Variants in CADM2 observed in about 807,000 individuals in gnomAD.
CADM2 encodes the protein cell adhesion molecule 2, also known as immunoglobulin superfamily member 4D.
A neutral mutation model predicts 49.8 loss-of-function variants in CADM2; 12 were observed. That is an observed-to-expected ratio of 0.24 (90% CI 0.15 to 0.39). The LOEUF is 0.39. Ranked by LOEUF, CADM2 falls within the 10% of genes least tolerant of loss-of-function variation. The pLI, the probability that CADM2 is intolerant of heterozygous loss-of-function variation, is 1.00. For synonymous variants in CADM2, 214 were observed against 175.4 expected (o/e 1.22, Z -1.74); for missense variants, 378 against 492.3 (o/e 0.77, Z 2.20).
chr3:85,703,379 A>T (rs2066843351), intron 1 of CADM2, among the ~76,000 whole-genome samples: 1 of 152,254 alleles, frequency 6.6e-6, no homozygotes, highest in Middle Eastern at 3.4e-3. Flanking sequence ...GAACCATTGC[A>T]TAGAGATAAA....
intron 1 of CADM2, among the ~76,000 whole-genome samples, chr3:85,475,531 G>A (rs1289229464): frequency 6.6e-6 from 1 of 151,562 alleles, no homozygotes; most frequent in Non-Finnish European, 1.5e-5. Flanking sequence ...TTCATGACCC[G>A]TTTATTTGAT....
At chr3:85,169,213 C>A (rs1033061456) in intron 1 of CADM2, among the ~76,000 whole-genome samples, 3 of 152,022 alleles carry the variant, frequency 2.0e-5, no homozygotes, top group Non-Finnish European at 2.9e-5. Context: ...AGTCTAGTGT[C>A]GAACTCTTGA....
intron 1 of CADM2, among the ~76,000 whole-genome samples, chr3:85,040,363 T>G (rs565606883): frequency 6.6e-6 from 1 of 152,334 alleles, no homozygotes; most frequent in South Asian, 2.1e-4. Flanking sequence ...GCATGTTTGT[T>G]TATTTGTTTG....
At chr3:85,798,559 G>C (rs1333168369) in intron 2 of CADM2, among the ~76,000 whole-genome samples, 1 of 152,106 alleles carries the variant, frequency 6.6e-6, no homozygotes, top group Non-Finnish European at 1.5e-5. Context: ...TGTCACGTTT[G>C]TCAAAGATCA....
chr3:85,791,525 A>G (rs1186213918), intron 2 of CADM2, among the ~76,000 whole-genome samples: 1 of 143,256 alleles, frequency 7.0e-6, no homozygotes, highest in Non-Finnish European at 1.5e-5. Flanking sequence ...GGGGAGGGAG[A>G]GAGAGAGAGA....
At chr3:85,813,588 T>C (rs1312272961) in intron 3 of CADM2, among the ~76,000 whole-genome samples, 1 of 152,206 alleles carries the variant, frequency 6.6e-6, no homozygotes, top group Non-Finnish European at 1.5e-5. Flanking sequence ...ATTGTTTTTG[T>C]GTTTTACACA....
chr3:85,736,475 G>C (rs2068142757), intron 2 of CADM2, among the ~76,000 whole-genome samples: 1 of 152,120 alleles, frequency 6.6e-6, no homozygotes, highest in African/African-American at 2.4e-5. Flanking sequence ...GGGCAACAGA[G>C]GGAAGAACTG....
chr3:85,652,871 G>T (rs10049108), intron 1 of CADM2, among the ~76,000 whole-genome samples: 25,859 of 135,652 alleles, frequency 0.19, 2,842 homozygotes, highest in Non-Finnish European at 0.25. Context: ...TGTGCCTCCC[G>T]GGTTCAAGTG....
intron 1 of CADM2, among the ~76,000 whole-genome samples, chr3:85,030,308 A>G (rs1346255147): frequency 1.3e-5 from 2 of 152,170 alleles, no homozygotes; most frequent in Non-Finnish European, 2.9e-5. Flanking sequence ...CCGTGCTCTG[A>G]CCAGAAATTT....
intron 2 of CADM2, among the ~76,000 whole-genome samples, chr3:85,752,296 A>C (rs1484842259): frequency 6.6e-6 from 1 of 152,126 alleles, no homozygotes; most frequent in African/African-American, 2.4e-5. Context: ...AGAGTTCTGC[A>C]CTTGTCTAAC....
At chr3:85,578,247 A>G (rs752146960) in intron 1 of CADM2, among the ~76,000 whole-genome samples, 19 of 152,096 alleles carry the variant, frequency 1.2e-4, no homozygotes, top group Admixed American at 7.2e-4. Flanking sequence ...ACTAATGATT[A>G]TGTAGTAGTT....
At chr3:85,565,994 A>G (rs9810724) in intron 1 of CADM2, among the ~76,000 whole-genome samples, 25,578 of 152,002 alleles carry the variant, frequency 0.17, 2,671 homozygotes, top group Non-Finnish European at 0.23. Flanking sequence ...ACGCTTTAAT[A>G]AACCCCTTTC....
rs369131258 is a variant in CADM2, at chr3:84,959,576, C to T, written c.-32C>T. On this transcript the variant is annotated 5_prime_UTR_variant, in exon 1 of 10. Transcript: ENST00000383699. ...GCTCACCAGCATCTACTTGCCCCCT[C>T]GTTCCTTCCCCAGCCCTTTAGAGAA... 7,907 of 1,533,618 alleles carry T rather than the reference C, an allele frequency of 5.2e-3. 36 individuals are homozygous for T. Among genetic ancestry groups the T allele is most frequent in the Non-Finnish European group, 6.4e-3 (7,353 of 1,143,674 alleles).
intron 1 of CADM2, among the ~76,000 whole-genome samples, chr3:85,344,142 G>A (rs1244474783): frequency 3.9e-5 from 6 of 152,086 alleles, no homozygotes; most frequent in African/African-American, 1.2e-4. Context: ...TTGGGGGGCC[G>A]AGGCGGGCAG....
At chr3:85,992,167 T>C (rs1181429581) in intron 8 of CADM2, 1 of 151,966 alleles carries the variant, frequency 6.6e-6, no homozygotes, top group African/African-American at 2.4e-5. Flanking sequence ...ATTGAAATAA[T>C]CTGTTACATT....
chr3:85,022,890 T>G (rs2034566400), intron 1 of CADM2, among the ~76,000 whole-genome samples: 1 of 152,082 alleles, frequency 6.6e-6, no homozygotes, highest in Admixed American at 6.6e-5. Flanking sequence ...ATATTAGACC[T>G]TTTTCTTATT....
chr3:85,272,614 C>T (rs2043267390), intron 1 of CADM2, among the ~76,000 whole-genome samples: 1 of 151,276 alleles, frequency 6.6e-6, no homozygotes. Flanking sequence ...TATTTTGTCT[C>T]TTCAGTGCCT....
chr3:85,546,213 A>T (rs950717919), intron 1 of CADM2, among the ~76,000 whole-genome samples: 2 of 152,164 alleles, frequency 1.3e-5, no homozygotes, highest in African/African-American at 4.8e-5. Context: ...ATGCTGGGCA[A>T]ATCTTGGATA....
In CADM2 at chr3:84,971,949, A is replaced by C. The variant is rs562757215; in HGVS notation, c.61+12281A>C. Among the ~76,000 whole-genome samples, 106 of 152,152 alleles carry C rather than the reference A, an allele frequency of 7.0e-4. 1 individual carries two copies. The South Asian group carries it at 7.0e-3, about 10-fold the overall frequency. Reference sequence around the variant, plus strand: ...CATGGTCAAATTGTGGTTCGTGTGGAAGTGGTAGTGAGATTGGTCTGGTGC... The same window carrying C: ...CATGGTCAAATTGTGGTTCGTGTGGCAGTGGTAGTGAGATTGGTCTGGTGC... On this transcript the variant is annotated intron_variant, in intron 1 of 9. Transcript: ENST00000383699.
Sources: allele counts gnomAD v4.1 joint callset (sites outside exome capture counted in the v4.1 genomes callset), GRCh38; gene constraint gnomAD v4.1.1; transcripts MANE v1.5; gene names NCBI Gene and HGNC (gene_info 2026-07-23, HGNC 2026-07-21).